Variants in LRRC4C observed in about 807,000 individuals in gnomAD.
The protein encoded by LRRC4C is leucine-rich repeat-containing protein 4C.
LRRC4C carries 5 observed loss-of-function variants against 33.6 expected under a neutral mutation model. The ratio of observed to expected loss-of-function variants is 0.15; its 90% CI spans 0.08 to 0.31. The LOEUF (loss-of-function observed/expected upper bound fraction) is 0.31, where lower values mean the gene tolerates loss of function less well. Ranked by LOEUF, LRRC4C falls within the 10% of genes least tolerant of loss-of-function variation. The pLI is 1.00. For synonymous variants in LRRC4C, 329 were observed against 302.0 expected (o/e 1.09, Z -0.93); for missense variants, 560 against 796.7 (o/e 0.70, Z 3.58).
intron 2 of LRRC4C, among the ~76,000 whole-genome samples, chr11:40,724,316 T>C (rs7111804): frequency 0.077 from 11,645 of 152,174 alleles, 793 homozygotes; most frequent in African/African-American, 0.18. Context: ...TTCTTCTCTT[T>C]AGCACACAGA....
intron 1 of LRRC4C, among the ~76,000 whole-genome samples, chr11:41,271,116 A>C (rs1949305992): frequency 6.6e-6 from 1 of 152,136 alleles, no homozygotes; most frequent in Admixed American, 6.6e-5. Flanking sequence ...GGACTAGGAC[A>C]TATAATTTGG....
chr11:41,249,236 A>G (rs751708313), intron 1 of LRRC4C, among the ~76,000 whole-genome samples: 4 of 151,908 alleles, frequency 2.6e-5, no homozygotes, highest in Admixed American at 6.6e-5. Flanking sequence ...GGATTTCACC[A>G]TGTTAGCCAG....
chr11:41,143,052 T>G (rs1367894126), intron 1 of LRRC4C, among the ~76,000 whole-genome samples: 1 of 152,156 alleles, frequency 6.6e-6, no homozygotes, highest in Non-Finnish European at 1.5e-5. Context: ...CCTAGCCTTT[T>G]TATTTTGGTG....
chr11:41,351,867 C>T (rs1251799927), intron 1 of LRRC4C, among the ~76,000 whole-genome samples: 1 of 152,096 alleles, frequency 6.6e-6, no homozygotes, highest in Non-Finnish European at 1.5e-5. Context: ...ACAAGAGGTC[C>T]TTAAGGGAAT....
intron 5 of LRRC4C, among the ~76,000 whole-genome samples, chr11:40,164,785 T>C (rs1859448175): frequency 6.6e-6 from 1 of 152,154 alleles, no homozygotes; most frequent in African/African-American, 2.4e-5. Context: ...TGAAAAATGT[T>C]TGAGGTGATG....
At chr11:40,322,827 T>C (rs1945918474) in intron 3 of LRRC4C, among the ~76,000 whole-genome samples, 1 of 152,188 alleles carries the variant, frequency 6.6e-6, no homozygotes, top group African/African-American at 2.4e-5. Context: ...AGTAAGCATA[T>C]ACATAGATAT....
At chr11:40,431,827 G>C (rs1224269675) in intron 3 of LRRC4C, among the ~76,000 whole-genome samples, 1 of 152,076 alleles carries the variant, frequency 6.6e-6, no homozygotes, top group Non-Finnish European at 1.5e-5. Flanking sequence ...GTGTAGAGTT[G>C]GGTCTACTAC....
At chr11:40,580,086 T>TGTGTGTGTGTGTGCGC (rs369797293) in intron 3 of LRRC4C, among the ~76,000 whole-genome samples, 4 of 151,728 alleles carry the variant, frequency 2.6e-5, no homozygotes, top group African/African-American at 9.7e-5. Flanking sequence ...TGTGTGTGTG[T>TGTGTGTGTGTGTGCGC]GCCTTTCAAG....
chr11:40,536,188 C>CTTTTT (rs372117384), intron 3 of LRRC4C, among the ~76,000 whole-genome samples: 1 of 149,472 alleles, frequency 6.7e-6, no homozygotes, highest in African/African-American at 2.5e-5. Flanking sequence ...TGAACAGCCT[C>CTTTTT]TTTTTTTTTT....
At chr11:40,615,253 T>TATATATATATAA (rs1555119242) in intron 3 of LRRC4C, among the ~76,000 whole-genome samples, 2 of 93,116 alleles carry the variant, frequency 2.1e-5, no homozygotes, top group African/African-American at 6.6e-5. Context: ...TATATATATA[T>TATATATATATAA]ATATATATAT....
intron 1 of LRRC4C, among the ~76,000 whole-genome samples, chr11:41,231,264 G>A (rs911789986): frequency 9.2e-5 from 14 of 152,164 alleles, no homozygotes; most frequent in South Asian, 2.1e-4. Flanking sequence ...CCATTACTGG[G>A]TATATACCCA....
chr11:41,105,540 T>C (rs1412846281), intron 1 of LRRC4C, among the ~76,000 whole-genome samples: 1 of 152,076 alleles, frequency 6.6e-6, no homozygotes, highest in African/African-American at 2.4e-5. Context: ...GAAATATTTA[T>C]TGAATTAAAA....
In LRRC4C at chr11:40,782,655, T is replaced by G. The variant is rs944354485; in HGVS notation, c.-406-134377A>C. ...ACAAATTATAATGTTAGTTTGTGTA[T>G]TGCTTTTGTTACTTATGGTTCCTAT... On this transcript the variant is annotated intron_variant, in intron 2 of 6. Coordinates refer to ENST00000528697, the MANE Select transcript of LRRC4C (RefSeq NM_001258419.2). Among the ~76,000 whole-genome samples, 11 of 152,314 alleles carry G rather than the reference T, an allele frequency of 7.2e-5. No individual in the cohort carries two copies. In the East Asian group the frequency reaches 2.1e-3, roughly 29 times the overall value.
intron 1 of LRRC4C, among the ~76,000 whole-genome samples, chr11:40,956,073 T>C (rs1018683493): frequency 2.0e-5 from 3 of 151,798 alleles, no homozygotes; most frequent in Non-Finnish European, 2.9e-5. Context: ...AAGGGCCATA[T>C]TGTAGATGAG....
chr11:41,216,281 G>A (rs751306244), intron 1 of LRRC4C, among the ~76,000 whole-genome samples: 81 of 152,006 alleles, frequency 5.3e-4, no homozygotes, highest in Non-Finnish European at 4.0e-4. Context: ...ACAATAGAGC[G>A]GTGAGTGGAT....
At chr11:40,706,111 C>A (rs1198199224) in intron 2 of LRRC4C, among the ~76,000 whole-genome samples, 4 of 151,874 alleles carry the variant, frequency 2.6e-5, no homozygotes, top group Admixed American at 2.0e-4. Context: ...GGATATTAGC[C>A]CTTTGTCAGA....
At chr11:41,020,538 A>T (rs1415226729) in intron 1 of LRRC4C, among the ~76,000 whole-genome samples, 1 of 152,120 alleles carries the variant, frequency 6.6e-6, no homozygotes, top group Non-Finnish European at 1.5e-5. Context: ...CAGAGGGAAG[A>T]TGGTAGCAGA....
intron 1 of LRRC4C, among the ~76,000 whole-genome samples, chr11:41,316,377 A>C (rs1950798397): frequency 6.6e-6 from 1 of 152,026 alleles, no homozygotes; most frequent in African/African-American, 2.4e-5. Context: ...TGGACTTCAC[A>C]ATTATGAGAG....
At chr11:40,836,323 G>A (rs1199988249) in intron 2 of LRRC4C, among the ~76,000 whole-genome samples, 1 of 152,178 alleles carries the variant, frequency 6.6e-6, no homozygotes, top group Non-Finnish European at 1.5e-5. Context: ...CTGATCATAT[G>A]ATCATGGATT....
Sources: gnomAD v4.1 joint callset for allele counts (sites outside exome capture counted in the v4.1 genomes callset) on GRCh38, gnomAD v4.1.1 for gene constraint, MANE v1.5 for transcripts, NCBI Gene and HGNC (gene_info 2026-07-23, HGNC 2026-07-21) for gene names.